VRK1: variants seen among roughly 807,000 people sequenced by gnomAD.
The protein encoded by VRK1 is VRK serine/threonine kinase 1.
A neutral mutation model predicts 57.1 loss-of-function variants in VRK1; 33 were observed. That is an observed-to-expected ratio of 0.58 (90% confidence interval 0.44 to 0.77). VRK1 has a LOEUF of 0.77. Among genes scored for constraint, VRK1 ranks in the 30% least tolerant of loss-of-function variants. The probability of loss-of-function intolerance (pLI) is 0.00; values close to 1 mark genes in which losing one functional copy is unlikely to be tolerated. For synonymous variants in VRK1, 137 were observed against 147.8 expected, an observed-to-expected ratio of 0.93 and a Z score of 0.53; for missense variants, 413 against 477.3, an observed-to-expected ratio of 0.87 and a Z score of 1.25.
chr14:96,861,410 A>G (rs1888384762), intron 11 of VRK1, among the ~76,000 whole-genome samples: 1 of 152,192 alleles, frequency 6.6e-6, no homozygotes, highest in African/African-American at 2.4e-5. Flanking sequence ...GATTTCCCTT[A>G]TAATCTGAAA....
At chr14:96,821,776 C>T (rs1886608131) in intron 1 of VRK1, among the ~76,000 whole-genome samples, 2 of 152,134 alleles carry the variant, frequency 1.3e-5, no homozygotes, top group Admixed American at 1.3e-4. Context: ...TGGGCATGTT[C>T]TCCACCTCTG....
At chr14:96,839,196 T>C (rs1226940766) in intron 3 of VRK1, among the ~76,000 whole-genome samples, 1 of 152,030 alleles carries the variant, frequency 6.6e-6, no homozygotes, top group Non-Finnish European at 1.5e-5. Flanking sequence ...AGCATAACGT[T>C]TTAATGGTTC....
intron 3 of VRK1, among the ~76,000 whole-genome samples, chr14:96,844,602 C>T (rs1887600124): frequency 6.6e-6 from 1 of 152,262 alleles, no homozygotes; most frequent in East Asian, 1.9e-4. Context: ...AGTGCAGTGG[C>T]ACGATCTTAG....
At chr14:96,802,534 C>G (rs1400635559) in intron 1 of VRK1, among the ~76,000 whole-genome samples, 3 of 152,164 alleles carry the variant, frequency 2.0e-5, no homozygotes, top group African/African-American at 4.8e-5. Flanking sequence ...ATATAGGATT[C>G]TCAAAATGAC....
At chr14:96,847,433 T>A in intron 5 of VRK1, 89 bp downstream of exon 5, 3 of 1,002,312 alleles carry the variant, frequency 3.0e-6, no homozygotes, top group Non-Finnish European at 4.7e-6. Context: ...ACTGATCACT[T>A]ACAATATTAC....
chr14:96,815,085 A>T (rs1015600872), intron 1 of VRK1, among the ~76,000 whole-genome samples: 1 of 152,188 alleles, frequency 6.6e-6, no homozygotes, highest in South Asian at 2.1e-4. Flanking sequence ...AATTTTGATA[A>T]TGCCAAATTG....
chr14:96,874,048 A>G (rs1888929485), intron 11 of VRK1, among the ~76,000 whole-genome samples: 1 of 152,226 alleles, frequency 6.6e-6, no homozygotes, highest in Admixed American at 6.5e-5. Context: ...TGAAAACTAG[A>G]TGAATGCACT....
intron 12 of VRK1, among the ~76,000 whole-genome samples, chr14:96,880,653 C>A (rs1311352738): frequency 6.6e-6 from 1 of 152,176 alleles, no homozygotes; most frequent in Non-Finnish European, 1.5e-5. Context: ...TCATTTGGGA[C>A]CTGTATAATT....
rs569506128 is a variant in VRK1, at chr14:96,802,644, A to G, written c.-6+5197A>G. ...CAGTGTCTTGTTTATGGTGATGGTTACATGAATCTGTACACATGACACAAT... is the reference window on the plus strand; with the variant it reads ...CAGTGTCTTGTTTATGGTGATGGTTGCATGAATCTGTACACATGACACAAT... On this transcript the variant is annotated intron_variant, in intron 1 of 12. Transcript: ENST00000216639. Among the ~76,000 whole-genome samples the G allele has an allele frequency of 4.6e-5, 7 of 152,386 alleles. No individual in the cohort carries two copies. In the South Asian group the frequency reaches 8.3e-4, roughly 18 times the overall value.
At chr14:96,866,087 T>A (rs1888576274) in intron 11 of VRK1, among the ~76,000 whole-genome samples, 1 of 152,160 alleles carries the variant, frequency 6.6e-6, no homozygotes, top group African/African-American at 2.4e-5. Context: ...TTTCAGTTTC[T>A]TTTCTTGTCT....
chr14:96,820,167 G>A (rs114051593), intron 1 of VRK1, among the ~76,000 whole-genome samples: 1,619 of 152,020 alleles, frequency 0.011, 24 homozygotes, highest in South Asian at 0.055. Flanking sequence ...ATCACTATCC[G>A]ATCGAGAAAT....
intron 12 of VRK1, among the ~76,000 whole-genome samples, chr14:96,880,647 T>C (rs1257633997): frequency 6.6e-6 from 1 of 152,196 alleles, no homozygotes; most frequent in African/African-American, 2.4e-5. Flanking sequence ...GGCTACTCAT[T>C]TGGGACCTGT....
At chr14:96,850,792 G>C (rs948517723) in intron 5 of VRK1, among the ~76,000 whole-genome samples, 1 of 152,174 alleles carries the variant, frequency 6.6e-6, no homozygotes, top group African/African-American at 2.4e-5. Flanking sequence ...TGGAATATTT[G>C]CGTTAATACC....
At chr14:96,838,698 T>C (rs1595664499) in intron 3 of VRK1, among the ~76,000 whole-genome samples, 2 of 152,186 alleles carry the variant, frequency 1.3e-5, no homozygotes, top group African/African-American at 4.8e-5. Context: ...ATGGGGATTA[T>C]GGGAGCTACT....
At chr14:96,825,790 G>C (rs1886777702) in intron 1 of VRK1, among the ~76,000 whole-genome samples, 1 of 152,176 alleles carries the variant, frequency 6.6e-6, no homozygotes, top group African/African-American at 2.4e-5. Flanking sequence ...CCTTGAATCA[G>C]AGTGTCTCTA....
rs763034734 is a variant in VRK1, at chr14:96,833,517, A to G, written c.46A>G (p.Lys16Glu). The G allele has an allele frequency of 6.2e-7, 1 of 1,613,838 alleles. No individual in the cohort carries two copies. Among genetic ancestry groups the G allele is most frequent in the Non-Finnish European group, 8.5e-7 (1 of 1,179,788 alleles). ...TCAAGCTGGAAGACAGAGCTCTGCAAAGAGACATCTTGCAGAACAATTTGC... is the reference window on the plus strand; with the variant it reads ...TCAAGCTGGAAGACAGAGCTCTGCAGAGAGACATCTTGCAGAACAATTTGC... ...AAQAGRQSSA[K>E]RHLAEQFAVG... The change falls in exon 2 of 13, where the codon AAG becomes GAG. Residue 16 changes from lysine to glutamate, a missense_variant. Physicochemically the swap from Lys to Glu is moderately conservative, Grantham distance 56. Coordinates refer to ENST00000216639, the MANE Select transcript of VRK1 (RefSeq NM_003384.3).
intron 11 of VRK1, among the ~76,000 whole-genome samples, chr14:96,869,245 G>A (rs1004401832): frequency 6.6e-6 from 1 of 152,184 alleles, no homozygotes; most frequent in Non-Finnish European, 1.5e-5. Flanking sequence ...AATGTTAACT[G>A]CAATATTATT....
chr14:96,812,477 A>C (rs1203783447), intron 1 of VRK1, among the ~76,000 whole-genome samples: 17 of 152,106 alleles, frequency 1.1e-4, no homozygotes, highest in Admixed American at 1.1e-3. Flanking sequence ...TGTGGTCTTG[A>C]CTTTCATTTC....
At chr14:96,832,269 G>C (rs1391594942) in intron 1 of VRK1, among the ~76,000 whole-genome samples, 1 of 152,040 alleles carries the variant, frequency 6.6e-6, no homozygotes, top group Non-Finnish European at 1.5e-5. Context: ...GCTCAAAACT[G>C]AGCTACAGAC....
Sources: gnomAD v4.1 joint callset for allele counts (sites outside exome capture counted in the v4.1 genomes callset) on GRCh38, gnomAD v4.1.1 for gene constraint, MANE v1.5 for transcripts, NCBI Gene and HGNC (gene_info 2026-07-23, HGNC 2026-07-21) for gene names.